The following RLF variants were observed in gnomAD, a reference collection of about 807,000 sequenced individuals.
The protein encoded by RLF is RLF zinc finger.
Under a neutral mutation model 162.9 loss-of-function variants are expected in RLF, and 7 were observed. That is an observed-to-expected ratio of 0.04 (90% CI 0.02 to 0.08). The LOEUF (loss-of-function observed/expected upper bound fraction) is 0.08. RLF is among the 10% of genes least tolerant of loss of function. The probability of loss-of-function intolerance (pLI) is 1.00; values close to 1 mark genes in which losing one functional copy is unlikely to be tolerated. For synonymous variants in RLF, 782 were observed against 791.5 expected, an observed-to-expected ratio of 0.99 and a Z score of 0.20; for missense variants, 1,664 against 2,244.7, an observed-to-expected ratio of 0.74 and a Z score of 5.23.
At chr1:40,181,564 T>C (rs1026128170) in intron 1 of RLF, among the ~76,000 whole-genome samples, 4 of 152,270 alleles carry the variant, frequency 2.6e-5, no homozygotes, top group Admixed American at 2.6e-4. Flanking sequence ...TCCATTGTTC[T>C]GTGTGTCTTT....
intron 5 of RLF, among the ~76,000 whole-genome samples, chr1:40,211,611 A>C (rs1482382698): frequency 6.6e-6 from 1 of 152,004 alleles, no homozygotes; most frequent in Non-Finnish European, 1.5e-5. Context: ...ATAACTAGTC[A>C]GTCTTTTTTT....
chr1:40,227,656 A>G (rs2124557420), intron 6 of RLF, among the ~76,000 whole-genome samples: 1 of 152,318 alleles, frequency 6.6e-6, no homozygotes, highest in South Asian at 2.1e-4. Flanking sequence ...TTGGAGCCTG[A>G]AATACTTAAT....
chr1:40,228,011 A>G (rs1053513635), intron 6 of RLF, among the ~76,000 whole-genome samples: 2 of 151,702 alleles, frequency 1.3e-5, no homozygotes, highest in Admixed American at 6.6e-5. Context: ...TGGGGGGAAA[A>G]AATTTATTTG....
intron 2 of RLF, among the ~76,000 whole-genome samples, chr1:40,189,730 A>T (rs1642531394): frequency 6.6e-6 from 1 of 151,978 alleles, no homozygotes; most frequent in Non-Finnish European, 1.5e-5. Context: ...TGAACCTGGG[A>T]GGTGGAGGTT....
At chr1:40,169,970 G>A (rs1489474552) in intron 1 of RLF, among the ~76,000 whole-genome samples, 3 of 152,160 alleles carry the variant, frequency 2.0e-5, no homozygotes, top group East Asian at 1.9e-4. Flanking sequence ...GATTACAGGC[G>A]TGAGCCACCA....
intron 1 of RLF, among the ~76,000 whole-genome samples, chr1:40,186,578 A>AC (rs1642483583): frequency 6.6e-6 from 1 of 152,038 alleles, no homozygotes; most frequent in Non-Finnish European, 1.5e-5. Context: ...GGAAAGACTA[A>AC]CCCCATCTGT....
chr1:40,188,481 A>C (rs1173196378), intron 1 of RLF, among the ~76,000 whole-genome samples: 1 of 152,156 alleles, frequency 6.6e-6, no homozygotes, highest in Non-Finnish European at 1.5e-5. Flanking sequence ...TTCTTCATAA[A>C]CTTTATAAAA....
intron 5 of RLF, among the ~76,000 whole-genome samples, chr1:40,211,526 C>A (rs1008541045): frequency 6.6e-6 from 1 of 152,138 alleles, no homozygotes; most frequent in Non-Finnish European, 1.5e-5. Flanking sequence ...GTTAAATATA[C>A]CAATGCAAAA....
chr1:40,236,793 A>G lies in RLF; in HGVS notation c.2091A>G (p.Gln697=). Residue 697 remains glutamine, a synonymous_variant, in exon 8 of 8, where the codon CAA becomes CAG. Transcript: ENST00000372771. This position sits in a 1 kb window ranked among gnomAD's most constrained non-coding sequence, Gnocchi z 7.7. ...GTGTGCATCTTAAAGCTGAACACCA[A>G]AATAATGATGAAAATGCCAAGCACT... ...YLSVHLKAEH[Q]NNDENAKHYL... 1 of 1,614,156 alleles carries G rather than the reference A, an allele frequency of 6.2e-7. No individual in the cohort carries two copies. Among genetic ancestry groups the G allele is most frequent in the Non-Finnish European group, 8.5e-7 (1 of 1,180,016 alleles).
intron 1 of RLF, among the ~76,000 whole-genome samples, chr1:40,180,851 T>C (rs1231212642): frequency 1.3e-5 from 2 of 152,220 alleles, no homozygotes; most frequent in Admixed American, 1.3e-4. Flanking sequence ...TCCTTTTTAC[T>C]CTCTTGATAG....
intron 5 of RLF, among the ~76,000 whole-genome samples, chr1:40,211,279 C>G (rs927968389): frequency 3.3e-5 from 5 of 152,222 alleles, no homozygotes; most frequent in Admixed American, 3.3e-4. Flanking sequence ...TGAAGCCAAG[C>G]TGATAATGTT....
rs747866642 is a variant in RLF, at chr1:40,235,958, T to C, written c.1256T>C (p.Ile419Thr). ...RRACQLTEFL[I>T]EPSLDGFNML... ...GCCTGTCAGCTTACAGAATTCTTAA[T>C]TGAACCCAGTTTGGATGGATTTAAT... Residue 419 changes from isoleucine to threonine, a missense_variant, in exon 8 of 8, where the codon ATT becomes ACT. Ile to Thr is a moderately conservative substitution (Grantham distance 89, BLOSUM62 -1). Coordinates refer to ENST00000372771, the MANE Select transcript of RLF (RefSeq NM_012421.4). 9 of 1,613,926 alleles carry C rather than the reference T, an allele frequency of 5.6e-6. No individual in the cohort carries two copies. Among genetic ancestry groups the C allele is most frequent in the African/African-American group, 2.7e-5 (2 of 74,912 alleles).
rs1383822824 is a variant in RLF, at chr1:40,238,405, C to G, written c.3703C>G (p.Pro1235Ala). 1 of 1,614,050 alleles carries G rather than the reference C, an allele frequency of 6.2e-7. No individual in the cohort carries two copies. The highest frequency in any genetic ancestry group is 1.1e-5 in the South Asian group (1 of 91,076). ...GDCSAELGGD[P>A]SSNSEKPHCH... ...TTGTTCTGCAGAACTTGGAGGTGAT[C>G]CCAGTAGTAACTCTGAGAAACCACA... Residue 1235 changes from proline to alanine, a missense_variant, in exon 8 of 8, where the codon CCC becomes GCC. Around this residue, in one of 15 missense-constraint regions of RLF, gnomAD observed 102 missense variants for 109.5 expected, o/e 0.93. Transcript: ENST00000372771. The surrounding 1 kb of genome is among the most constrained non-coding windows in gnomAD (Gnocchi z 5.2).
intron 3 of RLF, among the ~76,000 whole-genome samples, chr1:40,194,490 A>T (rs1642602428): frequency 6.6e-6 from 1 of 151,896 alleles, no homozygotes; most frequent in South Asian, 2.1e-4. Context: ...AAATACAAAA[A>T]TTAGCCAGGC....
intron 6 of RLF, among the ~76,000 whole-genome samples, chr1:40,223,919 T>A (rs1307574559): frequency 6.6e-6 from 1 of 152,274 alleles, no homozygotes; most frequent in African/African-American, 2.4e-5. Flanking sequence ...TGTAGTTTTT[T>A]ACCACCAAAT....
At chr1:40,218,329 GA>G (rs1447953389) in intron 5 of RLF, among the ~76,000 whole-genome samples, 1 of 152,170 alleles carries the variant, frequency 6.6e-6, no homozygotes, top group Non-Finnish European at 1.5e-5. Context: ...CAAGTGGACT[GA>G]ATTTCAGCCC....
At chr1:40,224,612 GT>G (rs1557757437) in intron 6 of RLF, among the ~76,000 whole-genome samples, 3 of 13,900 alleles carry the variant, frequency 2.2e-4, no homozygotes, top group Non-Finnish European at 3.9e-4. Context: ...CCCTTCCATT[GT>G]TTTTGAAAGC....
chr1:40,213,338 C>A (rs969523966), intron 5 of RLF, among the ~76,000 whole-genome samples: 3 of 152,156 alleles, frequency 2.0e-5, no homozygotes, highest in Non-Finnish European at 2.9e-5. Context: ...AAGAGTCGAT[C>A]AGACATATTG....
At chr1:40,227,520 G>T (rs941946879) in intron 6 of RLF, among the ~76,000 whole-genome samples, 17 of 152,126 alleles carry the variant, frequency 1.1e-4, no homozygotes, top group African/African-American at 4.1e-4. Flanking sequence ...GGCTGTCGTG[G>T]TTTCAGGCAT....
Sources: gnomAD v4.1 joint callset for allele counts (sites outside exome capture counted in the v4.1 genomes callset) on GRCh38, gnomAD v4.1.1 for gene constraint, gnomAD v4.1.1 regional missense constraint, Gnocchi (gnomAD v3.1) non-coding constraint, MANE v1.5 for transcripts, NCBI Gene and HGNC (gene_info 2026-07-23, HGNC 2026-07-21) for gene names.